The following LRRC8B variants were observed in gnomAD, a reference collection of about 807,000 sequenced individuals.
LRRC8B encodes volume-regulated anion channel subunit LRRC8B.
In LRRC8B, 23 loss-of-function variants were observed where a neutral mutation model predicts 58.8. That is an observed-to-expected ratio of 0.39 (90% CI 0.28 to 0.55). The LOEUF is 0.55. LRRC8B is among the 20% of genes least tolerant of loss of function. LRRC8B has a pLI of 0.62. For synonymous variants in LRRC8B, 359 were observed against 374.1 expected, an observed-to-expected ratio of 0.96 and a Z score of 0.47; for missense variants, 694 against 936.0, an observed-to-expected ratio of 0.74 and a Z score of 3.37.
At chr1:89,550,767 A>G (rs1437415651) in intron 1 of LRRC8B, among the ~76,000 whole-genome samples, 1 of 152,002 alleles carries the variant, frequency 6.6e-6, no homozygotes, top group African/African-American at 2.4e-5. Flanking sequence ...AAATTCCTTC[A>G]TTCCTGGTCA....
At chr1:89,560,289 C>A (rs1652525631) in intron 1 of LRRC8B, among the ~76,000 whole-genome samples, 1 of 152,104 alleles carries the variant, frequency 6.6e-6, no homozygotes, top group Non-Finnish European at 1.5e-5. Flanking sequence ...TACTACATTC[C>A]CCTCATCCAC....
At position 89,584,735 on chromosome 1, in the gene LRRC8B, A is replaced by C; in HGVS notation, c.2085A>C (p.Pro695=). 6.2e-7 allele frequency: 1 copy of C among 1,612,616 alleles called. No homozygotes were observed. Among genetic ancestry groups the C allele is most frequent in the Non-Finnish European group, 8.5e-7 (1 of 1,179,566 alleles). ...GCTATAACCACTTGACCTTCATTCCAGAAGAAATCCAGTATCTGAGTAATT... is the reference window on the plus strand; with the variant it reads ...GCTATAACCACTTGACCTTCATTCCCGAAGAAATCCAGTATCTGAGTAATT... The part of the protein sequence containing the change: ...DLSYNHLTFI[P]EEIQYLSNLQ... Residue 695 remains proline, a synonymous_variant, in exon 5 of 6, where the codon CCA becomes CCC. Transcript: ENST00000330947.
chr1:89,591,595 G>T (rs1654979496), intron 5 of LRRC8B, among the ~76,000 whole-genome samples: 1 of 152,166 alleles, frequency 6.6e-6, no homozygotes, highest in African/African-American at 2.4e-5. Flanking sequence ...AGAGGGAGGG[G>T]TGATGTAGGA....
intron 1 of LRRC8B, chr1:89,526,835 C>G (rs1056065580): frequency 6.6e-6 from 1 of 152,170 alleles, no homozygotes; most frequent in South Asian, 2.1e-4. Flanking sequence ...GTAAGGTGTT[C>G]CAACATGTTC....
Position 89,573,351 on chromosome 1 carries a change from A to T in LRRC8B, c.-125+4858A>T, listed in dbSNP as rs567973348. Among the ~76,000 whole-genome samples the T allele has an allele frequency of 1.8e-4, 28 of 152,040 alleles. No homozygotes were observed. The East Asian group carries it at 3.1e-3, about 17-fold the overall frequency. On this transcript the variant is annotated intron_variant, in intron 3 of 5. Transcript: ENST00000330947. ...CTCAGATGTCATTAGGATTTCTAGA[A>T]TTTTTCCATGGTTTTAATTCACTCA...
At chr1:89,566,235 A>T (rs981115350) in intron 1 of LRRC8B, among the ~76,000 whole-genome samples, 1 of 152,242 alleles carries the variant, frequency 6.6e-6, no homozygotes, top group Non-Finnish European at 1.5e-5. Flanking sequence ...AAGAAATATT[A>T]GTAAATGACT....
chr1:89,590,513 A>G (rs1306721363), intron 5 of LRRC8B, among the ~76,000 whole-genome samples: 1 of 152,232 alleles, frequency 6.6e-6, no homozygotes, highest in African/African-American at 2.4e-5. Context: ...CACAGCAGCA[A>G]TGCTAAGGGG....
chr1:89,525,434 C>G lies in LRRC8B; in HGVS notation c.-241+412C>G, dbSNP rs546860635. 6.6e-5 allele frequency among the ~76,000 whole-genome samples: 10 copies of G among 152,366 alleles called. No homozygotes were observed. In the East Asian group the frequency reaches 1.7e-3, roughly 26 times the overall value. On this transcript the variant is annotated intron_variant, in intron 1 of 5. Coordinates refer to ENST00000330947, the MANE Select transcript of LRRC8B (RefSeq NM_001369817.2). ...GTCTCGCTCCAGATGAGCGCAACTC[C>G]CCTGAGGGTGCCCCCATTTGGTCGC... is the stretch of plus-strand genomic sequence containing the variant.
intron 1 of LRRC8B, among the ~76,000 whole-genome samples, chr1:89,529,478 G>GTC (rs35629610): frequency 0.23 from 34,779 of 150,722 alleles, 4,389 homozygotes; most frequent in Admixed American, 0.34. Context: ...TGCAACCATA[G>GTC]TCTCTCTCTC....
intron 1 of LRRC8B, among the ~76,000 whole-genome samples, chr1:89,560,215 A>G (rs1169672073): frequency 3.3e-5 from 5 of 152,152 alleles, no homozygotes; most frequent in Admixed American, 2.0e-4. Context: ...GCTGCCTTGT[A>G]GTGTTGATCC....
intron 1 of LRRC8B, among the ~76,000 whole-genome samples, chr1:89,526,364 G>A (rs1317418920): frequency 6.6e-6 from 1 of 152,116 alleles, no homozygotes; most frequent in African/African-American, 2.4e-5. Flanking sequence ...ACAGGGGCCC[G>A]CCACCACGCC....
Position 89,597,292 on chromosome 1 carries a change from C to T in LRRC8B, c.*4249C>T, listed in dbSNP as rs963864576. On this transcript the variant is annotated 3_prime_UTR_variant, in exon 6 of 6. Coordinates refer to ENST00000330947, the MANE Select transcript of LRRC8B (RefSeq NM_001369817.2). Reference sequence around the variant, plus strand: ...AGAATAATGAGCCAAAGTACTGAGTCGAGATGGCTTTCAGTTGAGTTTAAT... The same window carrying T: ...AGAATAATGAGCCAAAGTACTGAGTTGAGATGGCTTTCAGTTGAGTTTAAT... 4 of 152,134 alleles carry T rather than the reference C, an allele frequency of 2.6e-5. No individual in the cohort carries two copies. Among genetic ancestry groups the T allele is most frequent in the Non-Finnish European group, 5.9e-5 (4 of 68,028 alleles). The allele number at this position is 152,134 out of a possible 1,614,324, so 9.4% of individuals were successfully genotyped here.
rs1331435294 is a variant in LRRC8B, at chr1:89,596,450, A to G, written c.*3407A>G. 1 of 152,176 alleles carries G rather than the reference A, an allele frequency of 6.6e-6. No homozygotes were observed. Among genetic ancestry groups the G allele is most frequent in the African/African-American group, 2.4e-5 (1 of 41,454 alleles). The allele number at this position is 152,176 out of a possible 1,614,324, so 9.4% of individuals were successfully genotyped here. On this transcript the variant is annotated 3_prime_UTR_variant, in exon 6 of 6. Transcript: ENST00000330947. Reference sequence around the variant, plus strand: ...GTGCACTGCAGTGATGTATTTGCATAACATTGTTTGATAGTGAAAAATTTT... The same window carrying G: ...GTGCACTGCAGTGATGTATTTGCATGACATTGTTTGATAGTGAAAAATTTT...
At chr1:89,581,761 A>T (rs1380202927) in intron 4 of LRRC8B, among the ~76,000 whole-genome samples, 1 of 152,254 alleles carries the variant, frequency 6.6e-6, no homozygotes, top group Non-Finnish European at 1.5e-5. Flanking sequence ...ATGATAGAAT[A>T]TTCTAGCAGA....
intron 5 of LRRC8B, 115 bp downstream of exon 5, chr1:89,584,904 G>A (rs893107571): frequency 8.6e-6 from 6 of 696,918 alleles, no homozygotes; most frequent in African/African-American, 1.8e-5. Flanking sequence ...AGCCCAATCC[G>A]ATCTTGCATA....
chr1:89,524,877 C>CGAGCCGGACAGCGCCGGGGCTTCCCGCT lies in LRRC8B; in HGVS notation c.-380_-353dup, dbSNP rs1649521644. 3 of 152,246 alleles carry CGAGCCGGACAGCGCCGGGGCTTCCCGCT rather than the reference C, an allele frequency of 2.0e-5. No individual in the cohort carries two copies. Among genetic ancestry groups the CGAGCCGGACAGCGCCGGGGCTTCCCGCT allele is most frequent in the African/African-American group, 7.2e-5 (3 of 41,544 alleles). The allele number at this position is 152,246 out of a possible 1,614,324, so 9.4% of individuals were successfully genotyped here. A position where few individuals can be genotyped will look rare whatever the true frequency, so the allele number is the denominator to read the frequency against. On this transcript the variant is annotated 5_prime_UTR_variant, in exon 1 of 6. Coordinates refer to ENST00000330947, the MANE Select transcript of LRRC8B (RefSeq NM_001369817.2). ...TCACAATGGAGCCGGTCGGAGGCGG[C>CGAGCCGGACAGCGCCGGGGCTTCCCGCT]GAGCCGGACAGCGCCGGGGCTTCCC...
intron 5 of LRRC8B, among the ~76,000 whole-genome samples, chr1:89,586,109 G>A (rs1385248574): frequency 6.6e-6 from 1 of 152,164 alleles, no homozygotes; most frequent in Admixed American, 6.5e-5. Flanking sequence ...AACTACATTA[G>A]GATTGACCTA....
chr1:89,568,357 T>C (rs569766515), intron 2 of LRRC8B, 50 bp downstream of exon 2: 1 of 152,282 alleles, frequency 6.6e-6, no homozygotes, highest in Non-Finnish European at 1.5e-5. Context: ...TGTTGGAAAT[T>C]TTAGAACCAT....
intron 1 of LRRC8B, among the ~76,000 whole-genome samples, chr1:89,539,140 G>T (rs1157183632): frequency 1.3e-5 from 2 of 152,046 alleles, no homozygotes; most frequent in African/African-American, 4.8e-5. Context: ...TCTCTTAAAG[G>T]CAAAGAAAAC....
Sources: allele counts gnomAD v4.1 joint callset (sites outside exome capture counted in the v4.1 genomes callset), GRCh38; gene constraint gnomAD v4.1.1; transcripts MANE v1.5; gene names NCBI Gene and HGNC (gene_info 2026-07-23, HGNC 2026-07-21).